WEE1: variants seen among roughly 807,000 people sequenced by gnomAD.
The protein encoded by WEE1 is WEE1 G2 checkpoint kinase.
Under a neutral mutation model 68.8 loss-of-function variants are expected in WEE1, and 16 were observed. The ratio of observed to expected loss-of-function variants is 0.23; its 90% CI spans 0.16 to 0.35. The LOEUF (loss-of-function observed/expected upper bound fraction) is 0.35. Among genes scored for constraint, WEE1 ranks in the 10% least tolerant of loss-of-function variants. The pLI, the probability that WEE1 is intolerant of heterozygous loss-of-function variation, is 1.00. For synonymous variants in WEE1, 349 were observed against 318.7 expected (o/e 1.09, Z -1.01); for missense variants, 651 against 824.1 (o/e 0.79, Z 2.57).
chr11:9,588,075 C>T (rs1413888453), intron 10 of WEE1, among the ~76,000 whole-genome samples: 1 of 151,850 alleles, frequency 6.6e-6, no homozygotes, highest in Non-Finnish European at 1.5e-5. Flanking sequence ...AGTGCAGTGG[C>T]ACTATCATAG....
In WEE1 at chr11:9,574,773, G is replaced by T. The variant is rs1458912737; in HGVS notation, c.576+264G>T. 2.0e-6 allele frequency: 2 copies of T among 1,014,596 alleles called. No homozygotes were observed. The highest frequency in any genetic ancestry group is 2.4e-6 in the Non-Finnish European group (2 of 849,266). The allele number at this position is 1,014,596 out of a possible 1,614,324, so 62.8% of individuals were successfully genotyped here. A position where few individuals can be genotyped will look rare whatever the true frequency, so the allele number is the denominator to read the frequency against. The stretch of plus-strand genomic sequence containing the variant: ...CCGGGTGGCCAAGGATTTGCCGCCC[G>T]TTGAGTCCGGGCCGCCCCGAGCGTG... On this transcript the variant is annotated intron_variant, in intron 1 of 10. Transcript: ENST00000450114. The surrounding 1 kb of genome is among the most constrained non-coding windows in gnomAD (Gnocchi z 4.9).
At chr11:9,587,007 C>T in intron 10 of WEE1, 151 bp downstream of exon 10, 1 of 830,976 alleles carries the variant, frequency 1.2e-6, no homozygotes, top group South Asian at 1.9e-5. Context: ...TGTCATCAGG[C>T]TGGAGTGCAC....
intron 5 of WEE1, chr11:9,580,446 A>ATTCC (rs1849613083): frequency 7.0e-6 from 1 of 142,062 alleles, no homozygotes; most frequent in Non-Finnish European, 1.5e-5. Flanking sequence ...TGATAAATGC[A>ATTCC]TTTCTTTCTT....
chr11:9,573,991 A>T lies in WEE1; in HGVS notation c.58A>T (p.Thr20Ser). ...PPPRRAGAAC[T>S]LRQKLIFSPC... is the part of the protein sequence containing the mutation. ...ACCCCGCCGCGCCGGGGCGGCCTGC[A>T]CCTTGCGGCAGAAGCTGATCTTCTC... Residue 20 changes from threonine to serine, a missense_variant, in exon 1 of 11, where the codon ACC (threonine) becomes TCC (serine). By Grantham distance (58) the Thr-to-Ser change is moderately conservative. Coordinates refer to ENST00000450114, the MANE Select transcript of WEE1 (RefSeq NM_003390.4). The T allele has an allele frequency of 7.8e-7, 1 of 1,287,752 alleles. No individual in the cohort carries two copies. The highest frequency in any genetic ancestry group is 9.8e-7 in the Non-Finnish European group (1 of 1,017,442). The allele number at this position is 1,287,752 out of a possible 1,614,324, so 79.8% of individuals were successfully genotyped here. A position where few individuals can be genotyped will look rare whatever the true frequency, so the allele number is the denominator to read the frequency against.
At position 9,576,740 on chromosome 11, in the gene WEE1, G is replaced by T; in HGVS notation, c.1019+81G>T. ...TTAAGGTTTCAGCTGGTCAAACACT[G>T]AATTCCATCTCTAACTTTTGAGAAG... On this transcript the variant is annotated intron_variant, in intron 4 of 10. Coordinates refer to ENST00000450114, the MANE Select transcript of WEE1 (RefSeq NM_003390.4). This position sits in a 1 kb window ranked among gnomAD's most constrained non-coding sequence, Gnocchi z 4.3. 7.2e-7 allele frequency: 1 copy of T among 1,395,516 alleles called. No homozygotes were observed. The highest frequency in any genetic ancestry group is 2.3e-5 in the East Asian group (1 of 42,882). The allele number at this position is 1,395,516 out of a possible 1,614,324, so 86.4% of individuals were successfully genotyped here. A position where few individuals can be genotyped will look rare whatever the true frequency, so the allele number is the denominator to read the frequency against.
At position 9,574,674 on chromosome 11, in the gene WEE1, G is replaced by T. The variant is rs888975302; in HGVS notation, c.576+165G>T. On this transcript the variant is annotated intron_variant, in intron 1 of 10. Coordinates refer to ENST00000450114, the MANE Select transcript of WEE1 (RefSeq NM_003390.4). The surrounding 1 kb of genome is among the most constrained non-coding windows in gnomAD (Gnocchi z 4.9). ...TTGTGTTTGGCCCTGCCCCGAGGTTGTCCGTTGAGATTATGTAACTGAACA... is the reference window on the plus strand; with the variant it reads ...TTGTGTTTGGCCCTGCCCCGAGGTTTTCCGTTGAGATTATGTAACTGAACA... The T allele has an allele frequency of 1.8e-6, 2 of 1,103,462 alleles. No homozygotes were observed. The highest frequency in any genetic ancestry group is 3.3e-5 in the African/African-American group (2 of 60,146). The allele number at this position is 1,103,462 out of a possible 1,614,324, so 68.4% of individuals were successfully genotyped here.
chr11:9,580,841 A>G (rs1372302952), intron 5 of WEE1: 1 of 152,230 alleles, frequency 6.6e-6, no homozygotes, highest in African/African-American at 2.4e-5. Context: ...GTATAGAGTG[A>G]TCTTTAAGAT....
chr11:9,589,520 G>C lies in WEE1; in HGVS notation c.*918G>C. ...TATTTGTGTATATAAACCGATCTTC[G>C]TGATACTGTACATAGCTGTTTGAAA... On this transcript the variant is annotated 3_prime_UTR_variant, in exon 11 of 11. Transcript: ENST00000450114. 1 of 985,312 alleles carries C rather than the reference G, an allele frequency of 1.0e-6. No individual in the cohort carries two copies. The highest frequency in any genetic ancestry group is 4.7e-5 in the South Asian group (1 of 21,272). 61.0% of individuals were successfully genotyped at this position (985,312 alleles called of 1,614,324 possible). A position where few individuals can be genotyped will look rare whatever the true frequency, so the allele number is the denominator to read the frequency against.
chr11:9,577,163 A>G lies in WEE1; in HGVS notation c.1041A>G (p.Val347=), dbSNP rs1450677458. The change falls in exon 5 of 11, where the codon GTA becomes GTG. Residue 347 remains valine, a synonymous_variant. Coordinates refer to ENST00000450114, the MANE Select transcript of WEE1 (RefSeq NM_003390.4). ...SVDEQNALRE[V]YAHAVLGQHS... is the part of the protein sequence containing the mutation. Reference sequence around the variant, plus strand: ...CTAGGCAGAACGCTTTGAGAGAAGTATATGCTCATGCAGTGCTTGGACAGC... The same window carrying G: ...CTAGGCAGAACGCTTTGAGAGAAGTGTATGCTCATGCAGTGCTTGGACAGC... 7 of 1,612,568 alleles carry G rather than the reference A, an allele frequency of 4.3e-6. No individual in the cohort carries two copies. The highest frequency in any genetic ancestry group is 1.1e-5 in the South Asian group (1 of 90,432).
chr11:9,577,317 T>C lies in WEE1; in HGVS notation c.1141+54T>C, dbSNP rs887353382. The stretch of plus-strand genomic sequence containing the variant: ...CTTGAGAAAATGAACATCGAGGAAA[T>C]ATTTATGGTTATCTAAAATCTTGCT... On this transcript the variant is annotated intron_variant, in intron 5 of 10. Transcript: ENST00000450114. 4 of 1,573,112 alleles carry C rather than the reference T, an allele frequency of 2.5e-6. No individual in the cohort carries two copies. In the African/African-American group the frequency reaches 4.1e-5, roughly 16 times the overall value.
At chr11:9,583,396 C>T (rs1433433535) in intron 6 of WEE1, among the ~76,000 whole-genome samples, 1 of 151,822 alleles carries the variant, frequency 6.6e-6, no homozygotes, top group Non-Finnish European at 1.5e-5. Flanking sequence ...GGGTGGATTG[C>T]CTAAGCTTGG....
chr11:9,585,194 A>G (rs1301063215), intron 6 of WEE1, 64 bp from the exon 7 acceptor site: 4 of 1,260,304 alleles, frequency 3.2e-6, no homozygotes, highest in Admixed American at 3.6e-5. Context: ...CTGGTATATG[A>G]TCTTGTTTAT....
At position 9,586,528 on chromosome 11, in the gene WEE1, C is replaced by A; in HGVS notation, c.1550C>A (p.Pro517Gln). The A allele has an allele frequency of 6.2e-7, 1 of 1,614,024 alleles. No homozygotes were observed. The highest frequency in any genetic ancestry group is 8.5e-7 in the Non-Finnish European group (1 of 1,179,996). ...TGTGCTGCTGGTGCTGAACCTCTTC[C>A]GAGAAATGGAGATCAATGGCATGAA... Reference protein sequence around the residue: ...VVCAAGAEPLPRNGDQWHEIR... With the variant: ...VVCAAGAEPLQRNGDQWHEIR... The change falls in exon 9 of 11, where the codon CCG (proline) becomes CAG (glutamine). Residue 517 changes from proline to glutamine, a missense_variant. Pro to Gln is a moderately conservative substitution (Grantham distance 76). Around this residue, in one of 5 missense-constraint regions of WEE1, gnomAD observed 18 missense variants for 54.3 expected, o/e 0.33. Coordinates refer to ENST00000450114, the MANE Select transcript of WEE1 (RefSeq NM_003390.4).
chr11:9,581,778 CATT>C, intron 6 of WEE1, 100 bp downstream of exon 6: 1 of 1,249,764 alleles, frequency 8.0e-7, no homozygotes, highest in Non-Finnish European at 1.1e-6. Flanking sequence ...TCTGTTTTCT[CATT>C]GTTAGTTTTA....
chr11:9,577,040 A>G (rs1466811754), intron 4 of WEE1, 102 bp from the exon 5 acceptor site: 6 of 1,371,164 alleles, frequency 4.4e-6, no homozygotes, highest in South Asian at 1.5e-5. Context: ...TAGCATAACA[A>G]TAGATACCAA....
At chr11:9,581,341 G>T (rs1052164327) in intron 5 of WEE1, 191 bp from the exon 6 acceptor site, 1 of 539,002 alleles carries the variant, frequency 1.9e-6, no homozygotes, top group Non-Finnish European at 3.2e-6. Flanking sequence ...ATTTTATTTT[G>T]TACCCATGCA....
chr11:9,587,994 T>C (rs946626061), intron 10 of WEE1, among the ~76,000 whole-genome samples: 10 of 151,798 alleles, frequency 6.6e-5, no homozygotes, highest in African/African-American at 2.2e-4. Flanking sequence ...TTATTGGGGA[T>C]AGGTTTGTCT....
Position 9,576,685 on chromosome 11 carries a change from G to C in WEE1, c.1019+26G>C. On this transcript the variant is annotated intron_variant, in intron 4 of 10. Transcript: ENST00000450114. This position sits in a 1 kb window ranked among gnomAD's most constrained non-coding sequence, Gnocchi z 4.3. The stretch of plus-strand genomic sequence containing the variant: ...GTATGTATTAAACATTTTGTCTTTT[G>C]CTCTTTTGTCCCCTATGGTGTTACT... 1 of 1,598,154 alleles carries C rather than the reference G, an allele frequency of 6.3e-7. No homozygotes were observed.
Position 9,573,831 on chromosome 11 carries a change from A to G in WEE1, c.-103A>G. Reference sequence around the variant, plus strand: ...GCGCAGAGACGCCGCGGCTGCGACTAGGCGCGCCCAGCCGCACGTGGCGGA... The same window carrying G: ...GCGCAGAGACGCCGCGGCTGCGACTGGGCGCGCCCAGCCGCACGTGGCGGA... On this transcript the variant is annotated 5_prime_UTR_variant, in exon 1 of 11. Transcript: ENST00000450114. 2 of 961,752 alleles carry G rather than the reference A, an allele frequency of 2.1e-6. No individual in the cohort carries two copies. Among genetic ancestry groups the G allele is most frequent in the Non-Finnish European group, 2.6e-6 (2 of 761,378 alleles). 59.6% of individuals were successfully genotyped at this position (961,752 alleles called of 1,614,324 possible).
Sources: gnomAD v4.1 joint callset for allele counts (sites outside exome capture counted in the v4.1 genomes callset) on GRCh38, gnomAD v4.1.1 for gene constraint, gnomAD v4.1.1 regional missense constraint, Gnocchi (gnomAD v3.1) non-coding constraint, MANE v1.5 for transcripts, NCBI Gene and HGNC (gene_info 2026-07-23, HGNC 2026-07-21) for gene names.